Variants in DCX observed in about 807,000 individuals in gnomAD.
DCX encodes neuronal migration protein doublecortin.
DCX carries 4 observed loss-of-function variants against 20.9 expected under a neutral mutation model. The observed-to-expected ratio is 0.19, with a 90% CI of 0.09 to 0.44. The LOEUF (loss-of-function observed/expected upper bound fraction) is 0.44, where lower values mean the gene tolerates loss of function less well. DCX is among the 20% of genes least tolerant of loss of function. The pLI is 0.99. For missense variants in DCX, 133 were observed against 296.9 expected (o/e 0.45, Z 4.06); for synonymous variants, 103 against 111.4 (o/e 0.92, Z 0.47).
chrX:111,371,169 C>T (rs1298214391), intron 3 of DCX, among the ~76,000 whole-genome samples: 1 of 112,239 alleles, frequency 8.9e-6, no homozygotes, highest in African/African-American at 3.2e-5. Context: ...GTAAGTATGT[C>T]ATTTGATATT....
intron 3 of DCX, among the ~76,000 whole-genome samples, chrX:111,395,569 G>A (rs1183448240): frequency 8.9e-6 from 1 of 112,248 alleles, no homozygotes; most frequent in Non-Finnish European, 1.9e-5. Flanking sequence ...CACCACATAT[G>A]ACATGGTAGT....
chrX:111,350,706 G>A (rs1046030371), intron 3 of DCX, among the ~76,000 whole-genome samples: 7 of 112,157 alleles, frequency 6.2e-5, no homozygotes, highest in African/African-American at 2.3e-4. Context: ...AACGATAAGA[G>A]GGAAAATTAT....
At chrX:111,365,426 A>T (rs191074959) in intron 3 of DCX, among the ~76,000 whole-genome samples, 160 of 110,707 alleles carry the variant, frequency 1.4e-3, no homozygotes, top group South Asian at 7.0e-3. Flanking sequence ...GCAATGTGAA[A>T]AAAAGCACAT....
intron 6 of DCX, among the ~76,000 whole-genome samples, chrX:111,310,601 A>C (rs938494333): frequency 8.9e-6 from 1 of 112,053 alleles, no homozygotes; most frequent in Non-Finnish European, 1.9e-5. Context: ...ACCAAATTTA[A>C]ATGTTTACTT....
chrX:111,408,538 T>A (rs763293736), intron 2 of DCX, among the ~76,000 whole-genome samples: 3 of 107,832 alleles, frequency 2.8e-5, no homozygotes, highest in African/African-American at 1.0e-4. Context: ...GAGGCAGAGG[T>A]TGTGGTGAGC....
chrX:111,311,614 C>A (rs942225069), intron 6 of DCX, among the ~76,000 whole-genome samples: 6 of 111,964 alleles, frequency 5.4e-5, no homozygotes, highest in African/African-American at 6.5e-5. Context: ...CTCTGGCACA[C>A]CACTGGTGGT....
chrX:111,387,583 A>G (rs1926619539), intron 3 of DCX, among the ~76,000 whole-genome samples: 1 of 112,387 alleles, frequency 8.9e-6, no homozygotes, highest in African/African-American at 3.2e-5. Flanking sequence ...CAAAAGCAAG[A>G]GGAAGTTCAC....
chrX:111,396,519 A>G (rs948485302), intron 3 of DCX, among the ~76,000 whole-genome samples: 1 of 112,047 alleles, frequency 8.9e-6, no homozygotes, highest in East Asian at 2.8e-4. Context: ...GATGCCAAAA[A>G]GCTGGAAGTC....
rs1192383390 is a variant in DCX at position 111,349,126 on chromosome X, A to AG, written c.706-15974dup. The stretch of plus-strand genomic sequence containing the variant: ...AGATAGCTAGTTTTCTATATAGTTT[A>AG]GGGGGGTTAAGGATTCCTTTGAAGC... On this transcript the variant is annotated intron_variant, in intron 3 of 6. Transcript: ENST00000636035. Among the ~76,000 whole-genome samples, 3 of 111,624 alleles carry AG rather than the reference A, an allele frequency of 2.7e-5. No homozygotes were observed. In the East Asian group the frequency reaches 8.5e-4, roughly 32 times the overall value.
intron 3 of DCX, among the ~76,000 whole-genome samples, chrX:111,364,046 C>T (rs759910966): frequency 1.3e-4 from 14 of 111,773 alleles, no homozygotes; most frequent in African/African-American, 4.5e-4. Flanking sequence ...GGCACACAGG[C>T]CAGAGAAACA....
At chrX:111,330,830 G>A in intron 5 of DCX, 74 bp downstream of exon 5, 1 of 1,167,383 alleles carries the variant, frequency 8.6e-7, no homozygotes, top group Admixed American at 2.2e-5. Flanking sequence ...ATGAGGAACT[G>A]ATTCCTCTGC....
At chrX:111,308,418 AT>A (rs1033194131) in intron 6 of DCX, among the ~76,000 whole-genome samples, 15 of 110,142 alleles carry the variant, frequency 1.4e-4, no homozygotes, top group South Asian at 3.9e-4. Flanking sequence ...TTTCTTGCTA[AT>A]TTTTTTTTAA....
chrX:111,402,820 T>TGC (rs1324888376), intron 2 of DCX, among the ~76,000 whole-genome samples: 21 of 80,165 alleles, frequency 2.6e-4, no homozygotes, highest in African/African-American at 8.7e-4. Flanking sequence ...TGTGTGTGTG[T>TGC]GCGGAGGGGG....
intron 3 of DCX, among the ~76,000 whole-genome samples, chrX:111,389,676 C>A (rs1414867468): frequency 9.0e-6 from 1 of 111,557 alleles, no homozygotes; most frequent in Non-Finnish European, 1.9e-5. Flanking sequence ...AAGGATCATG[C>A]CACTGCACTC....
In DCX at chrX:111,298,147, C is replaced by T. The variant is rs1194773342; in HGVS notation, c.*3540G>A. ...TGGAAACAAGAAACATTTCCCTCAGCCTGGAAAGACCAACCATTATGAGAT... is the reference window on the plus strand; with the variant it reads ...TGGAAACAAGAAACATTTCCCTCAGTCTGGAAAGACCAACCATTATGAGAT... On this transcript the variant is annotated 3_prime_UTR_variant, in exon 7 of 7. Transcript: ENST00000636035. 8.9e-6 allele frequency: 1 copy of T among 111,761 alleles called. No homozygotes were observed. The highest frequency in any genetic ancestry group is 1.9e-5 in the Non-Finnish European group (1 of 53,134). The allele number at this position is 111,761 out of a possible 1,213,427, so 9.2% of individuals were successfully genotyped here. A position where few individuals can be genotyped will look rare whatever the true frequency, so the allele number is the denominator to read the frequency against.
At chrX:111,364,058 A>G (rs1924419611) in intron 3 of DCX, among the ~76,000 whole-genome samples, 1 of 112,106 alleles carries the variant, frequency 8.9e-6, no homozygotes, top group South Asian at 3.8e-4. Context: ...AGAGAAACAT[A>G]GTGCAGTGGT....
intron 3 of DCX, among the ~76,000 whole-genome samples, chrX:111,341,456 G>T (rs186735163): frequency 2.7e-5 from 3 of 111,210 alleles, no homozygotes; most frequent in African/African-American, 9.8e-5. Flanking sequence ...ACACTTCAGG[G>T]TATTATCCAG....
chrX:111,403,559 G>C (rs1054773529), intron 2 of DCX, among the ~76,000 whole-genome samples: 2 of 111,731 alleles, frequency 1.8e-5, no homozygotes, highest in Admixed American at 9.5e-5. Flanking sequence ...CCACTCTCTC[G>C]TTGGGCTGAA....
In DCX at chrX:111,343,137, G is replaced by GT. The variant is rs763161014; in HGVS notation, c.706-9985dup. ...CAAAATCAGTGAATCCAACAGCTGGGTTTTTTTTTTTTTAATTAACAAAAT... is the reference window on the plus strand; with the variant it reads ...CAAAATCAGTGAATCCAACAGCTGGGTTTTTTTTTTTTTTAATTAACAAAAT... On this transcript the variant is annotated intron_variant, in intron 3 of 6. Coordinates refer to ENST00000636035, the MANE Select transcript of DCX (RefSeq NM_001195553.2). 4.0e-3 allele frequency among the ~76,000 whole-genome samples: 383 copies of GT among 94,873 alleles called. 3 individuals carry two copies. Among genetic ancestry groups the GT allele is most frequent in the African/African-American group, 9.2e-3 (238 of 25,919 alleles). The allele number at this position is 94,873 out of a possible 115,157, so 82.4% of individuals were successfully genotyped here. A position where few individuals can be genotyped will look rare whatever the true frequency, so the allele number is the denominator to read the frequency against.
Sources: allele counts gnomAD v4.1 joint callset (sites outside exome capture counted in the v4.1 genomes callset), GRCh38; gene constraint gnomAD v4.1.1; transcripts MANE v1.5; gene names NCBI Gene and HGNC (gene_info 2026-07-23, HGNC 2026-07-21).